The following PID1 variants were observed in gnomAD, a reference collection of about 807,000 sequenced individuals.
PID1 encodes the protein phosphotyrosine interaction domain containing 1.
PID1 carries 10 observed loss-of-function variants against 19.1 expected under a neutral mutation model. The observed-to-expected ratio is 0.52, with a 90% confidence interval of 0.32 to 0.89. The LOEUF (loss-of-function observed/expected upper bound fraction) is 0.89. Ranked by LOEUF, PID1 falls within the 40% of genes least tolerant of loss-of-function variation. The pLI is 0.03. For synonymous variants in PID1, 130 were observed against 116.0 expected (o/e 1.12, Z -0.78); for missense variants, 248 against 285.3 (o/e 0.87, Z 0.94).
At chr2:229,148,457 G>A (rs1553567552) in intron 2 of PID1, among the ~76,000 whole-genome samples, 1 of 152,142 alleles carries the variant, frequency 6.6e-6, no homozygotes, top group Non-Finnish European at 1.5e-5. Context: ...AGGAGAATGA[G>A]CACTGGACAG....
At chr2:229,184,019 T>C (rs1174491775) in intron 1 of PID1, among the ~76,000 whole-genome samples, 1 of 35,130 alleles carries the variant, frequency 2.8e-5, no homozygotes, top group Non-Finnish European at 5.1e-5. Flanking sequence ...CCCATATGTA[T>C]GTATATATCC....
chr2:229,043,009 A>ATT (rs397792981), intron 2 of PID1, among the ~76,000 whole-genome samples: 71 of 145,372 alleles, frequency 4.9e-4, no homozygotes, highest in Middle Eastern at 3.6e-3. Flanking sequence ...AAAGGGAGAA[A>ATT]TTTTTTTTTT....
At chr2:229,242,000 A>G (rs1384701631) in intron 1 of PID1, among the ~76,000 whole-genome samples, 1 of 151,698 alleles carries the variant, frequency 6.6e-6, no homozygotes, top group East Asian at 1.9e-4. Context: ...GCTATCACTC[A>G]GTAAATCAGT....
intron 2 of PID1, among the ~76,000 whole-genome samples, chr2:229,138,575 C>T (rs920851263): frequency 4.6e-5 from 7 of 152,012 alleles, no homozygotes; most frequent in African/African-American, 1.4e-4. Context: ...GGACTCCCTC[C>T]TCAGAAAAAA....
chr2:229,185,367 T>C (rs907461284), intron 1 of PID1, among the ~76,000 whole-genome samples: 3 of 152,118 alleles, frequency 2.0e-5, no homozygotes, highest in African/African-American at 7.2e-5. Context: ...ATGTGCACAC[T>C]GATCCCATCC....
rs556823708 is a variant in PID1, at chr2:229,269,837, T to C, written c.30+1177A>G. Among the ~76,000 whole-genome samples, 8 of 152,276 alleles carry C rather than the reference T, an allele frequency of 5.3e-5. No individual in the cohort carries two copies. In the South Asian group the frequency reaches 1.5e-3, roughly 28 times the overall value. On this transcript the variant is annotated intron_variant, in intron 1 of 2. Coordinates refer to ENST00000392055, the MANE Select transcript of PID1 (RefSeq NM_001100818.2). ...GAGACCCTGGGGAACTGGTCTGGTGTCTCAGGCTCTGATAAATTGAACACA... is the reference window on the plus strand; with the variant it reads ...GAGACCCTGGGGAACTGGTCTGGTGCCTCAGGCTCTGATAAATTGAACACA...
intron 2 of PID1, among the ~76,000 whole-genome samples, chr2:229,120,377 A>C (rs1695492395): frequency 6.6e-6 from 1 of 152,136 alleles, no homozygotes; most frequent in African/African-American, 2.4e-5. Flanking sequence ...GCTATTAAAA[A>C]ATCATAAGGA....
At chr2:229,139,163 AAGCG>A (rs145383704) in intron 2 of PID1, among the ~76,000 whole-genome samples, 25,736 of 111,318 alleles carry the variant, frequency 0.23, 6,128 homozygotes, top group Non-Finnish European at 0.28. Context: ...GCGAGCGAGC[AAGCG>A]AGCTTCCCTT....
chr2:229,241,033 A>T (rs1689853113), intron 1 of PID1, among the ~76,000 whole-genome samples: 1 of 152,068 alleles, frequency 6.6e-6, no homozygotes, highest in African/African-American at 2.4e-5. Context: ...TTACTTTTCA[A>T]TTCCAGAGTT....
intron 1 of PID1, chr2:229,231,883 G>A: frequency 1.3e-6 from 2 of 1,549,394 alleles, no homozygotes; most frequent in Non-Finnish European, 1.7e-6. Flanking sequence ...AAATACCACA[G>A]AGTAGATAAT....
At chr2:229,140,942 T>C (rs953279454) in intron 2 of PID1, among the ~76,000 whole-genome samples, 2 of 151,924 alleles carry the variant, frequency 1.3e-5, no homozygotes, top group African/African-American at 2.4e-5. Context: ...GGGTTCCTAG[T>C]AGAGGATTTT....
intron 1 of PID1, among the ~76,000 whole-genome samples, chr2:229,185,294 T>A (rs1040274905): frequency 6.6e-6 from 1 of 151,890 alleles, no homozygotes; most frequent in African/African-American, 2.4e-5. Context: ...CCGCCAAGAC[T>A]CCATCTTGCC....
intron 2 of PID1, among the ~76,000 whole-genome samples, chr2:229,031,018 C>A (rs1693538017): frequency 6.6e-6 from 1 of 151,700 alleles, no homozygotes; most frequent in African/African-American, 2.4e-5. Context: ...GAGTTTGAGA[C>A]CAGCCTGGCC....
chr2:229,208,647 C>T (rs984442664), intron 1 of PID1, among the ~76,000 whole-genome samples: 1 of 152,112 alleles, frequency 6.6e-6, no homozygotes, highest in African/African-American at 2.4e-5. Context: ...GTCTTCTTTC[C>T]TTCCAGTAGC....
chr2:229,072,513 G>C (rs972769370), intron 2 of PID1, among the ~76,000 whole-genome samples: 1 of 152,048 alleles, frequency 6.6e-6, no homozygotes, highest in Non-Finnish European at 1.5e-5. Context: ...ACTTGAACCC[G>C]GGAAGTGGAG....
intron 2 of PID1, among the ~76,000 whole-genome samples, chr2:229,054,744 A>T (rs1452042948): frequency 4.8e-5 from 5 of 104,434 alleles, no homozygotes; most frequent in Admixed American, 1.2e-4. Flanking sequence ...GTCTGGTTTT[A>T]CTCAATTTGT....
intron 1 of PID1, among the ~76,000 whole-genome samples, chr2:229,205,980 C>T (rs2106244995): frequency 6.6e-6 from 1 of 152,190 alleles, no homozygotes; most frequent in Non-Finnish European, 1.5e-5. Context: ...AAATAAGAGA[C>T]AAATTATGCC....
chr2:229,261,898 T>A (rs1479814262), intron 1 of PID1, among the ~76,000 whole-genome samples: 1 of 66,368 alleles, frequency 1.5e-5, no homozygotes, highest in Non-Finnish European at 3.3e-5. Flanking sequence ...ATGGCTGACT[T>A]TTTTTTTTTT....
At chr2:229,230,419 G>T (rs1318130103) in intron 1 of PID1, among the ~76,000 whole-genome samples, 1 of 152,210 alleles carries the variant, frequency 6.6e-6, no homozygotes, top group Non-Finnish European at 1.5e-5. Flanking sequence ...TGCAATATGA[G>T]CCCTTCTTGG....
Sources: gnomAD v4.1 joint callset for allele counts (sites outside exome capture counted in the v4.1 genomes callset) on GRCh38, gnomAD v4.1.1 for gene constraint, MANE v1.5 for transcripts, NCBI Gene and HGNC (gene_info 2026-07-23, HGNC 2026-07-21) for gene names.